The following CDC42SE2 variants were observed in gnomAD, a reference collection of about 807,000 sequenced individuals.
CDC42SE2 encodes CDC42 small effector protein 2.
A neutral mutation model predicts 11.5 loss-of-function variants in CDC42SE2; 3 were observed. The ratio of observed to expected loss-of-function variants is 0.26; its 90% CI spans 0.12 to 0.67. The LOEUF is 0.67. Ranked by LOEUF, CDC42SE2 falls within the 30% of genes least tolerant of loss-of-function variation. CDC42SE2 has a pLI of 0.80. For synonymous variants in CDC42SE2, 33 were observed against 34.8 expected, an observed-to-expected ratio of 0.95 and a Z score of 0.18; for missense variants, 82 against 106.8, an observed-to-expected ratio of 0.77 and a Z score of 1.02.
intron 2 of CDC42SE2, among the ~76,000 whole-genome samples, chr5:131,353,960 C>G (rs1235170203): frequency 2.0e-5 from 3 of 151,722 alleles, no homozygotes; most frequent in Non-Finnish European, 4.4e-5. Context: ...TGCATAGTGG[C>G]CAGGCATTGT....
chr5:131,353,283 A>T (rs1159488840), intron 2 of CDC42SE2, among the ~76,000 whole-genome samples: 5 of 143,230 alleles, frequency 3.5e-5, no homozygotes, highest in African/African-American at 1.0e-4. Context: ...TTTATTAATA[A>T]TTTTTTTTTT....
chr5:131,333,907 A>T (rs1019754113), intron 2 of CDC42SE2, among the ~76,000 whole-genome samples: 4 of 152,232 alleles, frequency 2.6e-5, no homozygotes, highest in Admixed American at 6.5e-5. Context: ...TGTCATCTGC[A>T]AACAGGGACA....
chr5:131,325,187 G>A (rs1020536174), intron 2 of CDC42SE2, among the ~76,000 whole-genome samples: 1 of 152,040 alleles, frequency 6.6e-6, no homozygotes, highest in African/African-American at 2.4e-5. Flanking sequence ...GACTAGTCAG[G>A]ATTACTTTTG....
chr5:131,267,679 G>A (rs1756898602), intron 1 of CDC42SE2, among the ~76,000 whole-genome samples: 1 of 150,914 alleles, frequency 6.6e-6, no homozygotes, highest in Non-Finnish European at 1.5e-5. Flanking sequence ...GATCATGAGA[G>A]TTTTAATTTA....
intron 2 of CDC42SE2, among the ~76,000 whole-genome samples, chr5:131,327,566 AAT>A (rs1361150424): frequency 3.9e-5 from 6 of 152,124 alleles, no homozygotes; most frequent in Non-Finnish European, 8.8e-5. Flanking sequence ...TTGGATGTAA[AAT>A]TCTAAGTTTA....
At chr5:131,374,903 TAC>T (rs1385529790) in intron 3 of CDC42SE2, among the ~76,000 whole-genome samples, 1 of 152,104 alleles carries the variant, frequency 6.6e-6, no homozygotes, top group Non-Finnish European at 1.5e-5. Context: ...ATTGTATACA[TAC>T]AGTGTATAGA....
rs1211157656 is a variant in CDC42SE2, at chr5:131,393,981, A to G, written c.*2890A>G. 6.6e-6 allele frequency: 1 copy of G among 152,250 alleles called. No homozygotes were observed. The highest frequency in any genetic ancestry group is 1.5e-5 in the Non-Finnish European group (1 of 68,024). The allele number at this position is 152,250 out of a possible 1,614,324, so 9.4% of individuals were successfully genotyped here. A position where few individuals can be genotyped will look rare whatever the true frequency, so the allele number is the denominator to read the frequency against. ...ACACTTTATACAGGAGCACATGCCA[A>G]AGTGCCTGGGAGGTGCCAATAAAAT... On this transcript the variant is annotated 3_prime_UTR_variant, in exon 5 of 5. Coordinates refer to ENST00000505065, the MANE Select transcript of CDC42SE2 (RefSeq NM_001375635.1).
intron 2 of CDC42SE2, among the ~76,000 whole-genome samples, chr5:131,349,112 A>G (rs1168593048): frequency 6.6e-6 from 1 of 152,162 alleles, no homozygotes; most frequent in African/African-American, 2.4e-5. Flanking sequence ...ACCAAAAGCA[A>G]TGGCAACAAA....
At chr5:131,371,817 G>A (rs1750019134) in intron 3 of CDC42SE2, among the ~76,000 whole-genome samples, 1 of 152,208 alleles carries the variant, frequency 6.6e-6, no homozygotes, top group Non-Finnish European at 1.5e-5. Context: ...TGCAGATACA[G>A]CACTAGGTGA....
intron 1 of CDC42SE2, among the ~76,000 whole-genome samples, chr5:131,290,682 G>A (rs1339435072): frequency 6.6e-6 from 1 of 151,650 alleles, no homozygotes; most frequent in Non-Finnish European, 1.5e-5. Context: ...ATTTGGCCAT[G>A]TTGCCCAGGC....
At chr5:131,316,633 C>T (rs1178976411) in intron 2 of CDC42SE2, among the ~76,000 whole-genome samples, 1 of 152,134 alleles carries the variant, frequency 6.6e-6, no homozygotes, top group Admixed American at 6.5e-5. Flanking sequence ...AATAGATGGT[C>T]CCTCTTCTCC....
chr5:131,216,991 A>AT, the CDC42SE2 span, among the ~76,000 whole-genome samples: 889 of 152,316 alleles, frequency 5.8e-3, 7 homozygotes, highest in African/African-American at 0.02. Flanking sequence ...TCCATTGAAT[A>AT]ATCATCAAGC....
At chr5:131,277,075 A>G (rs1748383263) in intron 1 of CDC42SE2, among the ~76,000 whole-genome samples, 1 of 152,214 alleles carries the variant, frequency 6.6e-6, no homozygotes. Flanking sequence ...TTTACATACC[A>G]AATAAAATCA....
chr5:131,376,352 A>C (rs2149783458), intron 3 of CDC42SE2, among the ~76,000 whole-genome samples: 1 of 152,316 alleles, frequency 6.6e-6, no homozygotes, highest in South Asian at 2.1e-4. Flanking sequence ...CCAGATTTGA[A>C]GGGAAGGTAA....
the CDC42SE2 span, among the ~76,000 whole-genome samples, chr5:131,219,881 G>A: frequency 5.7e-3 from 867 of 152,212 alleles, 9 homozygotes; most frequent in African/African-American, 0.02. Context: ...AGGTTGCAGT[G>A]AGCCATGATT....
the CDC42SE2 span, among the ~76,000 whole-genome samples, chr5:131,230,508 G>A: frequency 6.6e-6 from 1 of 152,218 alleles, no homozygotes. Context: ...CTGAGCAGCT[G>A]CAGCACAGCT....
At chr5:131,255,289 A>G (rs1756671216) in intron 2 of CDC42SE2, 1 of 152,174 alleles carries the variant, frequency 6.6e-6, no homozygotes, top group South Asian at 2.1e-4. Flanking sequence ...ATATATCATT[A>G]ATACATTTTA....
intron 1 of CDC42SE2, among the ~76,000 whole-genome samples, chr5:131,292,612 G>A (rs1481112126): frequency 7.0e-6 from 1 of 142,816 alleles, no homozygotes; most frequent in East Asian, 2.1e-4. Flanking sequence ...AAAGTACACA[G>A]TTAGGGCTGG....
At chr5:131,360,894 T>C (rs995524966) in intron 3 of CDC42SE2, among the ~76,000 whole-genome samples, 16 of 152,172 alleles carry the variant, frequency 1.1e-4, no homozygotes, top group African/African-American at 3.9e-4. Flanking sequence ...ACTTACTTAA[T>C]ATGTTTTGCT....
Sources: gnomAD v4.1 joint callset for allele counts (sites outside exome capture counted in the v4.1 genomes callset) on GRCh38, gnomAD v4.1.1 for gene constraint, MANE v1.5 for transcripts, NCBI Gene and HGNC (gene_info 2026-07-23, HGNC 2026-07-21) for gene names.